The following CNTN4 variants were observed in gnomAD, a reference collection of about 807,000 sequenced individuals.
CNTN4 encodes the protein contactin-4.
In CNTN4, 77 loss-of-function variants were observed where a neutral mutation model predicts 122.5. That is an observed-to-expected ratio of 0.63 (90% CI 0.52 to 0.76). The LOEUF is 0.76. CNTN4 is among the 30% of genes least tolerant of loss of function. The probability of loss-of-function intolerance (pLI) is 0.00; values close to 1 mark genes in which losing one functional copy is unlikely to be tolerated. For missense variants in CNTN4, 1,256 were observed against 1,259.1 expected (o/e 1.00, Z 0.04); for synonymous variants, 512 against 447.0 (o/e 1.15, Z -1.83).
intron 3 of CNTN4, among the ~76,000 whole-genome samples, chr3:2,345,269 C>G (rs113321349): frequency 6.6e-6 from 1 of 151,976 alleles, no homozygotes; most frequent in Non-Finnish European, 1.5e-5. Context: ...TTTTTTTACC[C>G]TTTCAGACAC....
intron 2 of CNTN4, among the ~76,000 whole-genome samples, chr3:2,298,855 T>C (rs1434042145): frequency 6.6e-6 from 1 of 152,208 alleles, no homozygotes; most frequent in Non-Finnish European, 1.5e-5. Context: ...AGGAGTAAAT[T>C]AATGCATATA....
chr3:2,207,179 GTC>G (rs1359675606), intron 2 of CNTN4, among the ~76,000 whole-genome samples: 1 of 151,946 alleles, frequency 6.6e-6, no homozygotes, highest in African/African-American at 2.4e-5. Flanking sequence ...GCCGTTCCTA[GTC>G]TCTCTGTCTC....
chr3:2,860,151 A>G (rs1371133262), intron 7 of CNTN4, among the ~76,000 whole-genome samples: 1 of 152,238 alleles, frequency 6.6e-6, no homozygotes, highest in Admixed American at 6.5e-5. Flanking sequence ...ACTAGGCCTT[A>G]TCTAATCCTT....
chr3:2,965,192 C>T (rs1692178418), intron 13 of CNTN4, among the ~76,000 whole-genome samples: 1 of 152,192 alleles, frequency 6.6e-6, no homozygotes, highest in African/African-American at 2.4e-5. Context: ...AACTTCCTCC[C>T]ACATTCTTTG....
chr3:2,406,618 T>A (rs2047047399), intron 3 of CNTN4, among the ~76,000 whole-genome samples: 1 of 149,978 alleles, frequency 6.7e-6, no homozygotes, highest in Non-Finnish European at 1.5e-5. Context: ...TATAAAGTAA[T>A]TTTTTTTAAG....
chr3:2,693,600 TGGA>T (rs2085858274), intron 4 of CNTN4, among the ~76,000 whole-genome samples: 1 of 152,144 alleles, frequency 6.6e-6, no homozygotes. Context: ...GAAAGGGTTT[TGGA>T]GGAGAAGTCA....
At position 2,849,109 on chromosome 3, in the gene CNTN4, G is replaced by A. The variant is rs575357164; in HGVS notation, c.455-17643G>A. ...TCTAGATGTGAGAGGTGTATACCAT[G>A]TACAACAAGATCCACTGTCCTGGAA... On this transcript the variant is annotated intron_variant, in intron 7 of 24. Coordinates refer to ENST00000418658, the MANE Select transcript of CNTN4 (RefSeq NM_175607.3). 3.3e-5 allele frequency among the ~76,000 whole-genome samples: 5 copies of A among 152,316 alleles called. No homozygotes were observed. The South Asian group carries it at 1.0e-3, about 32-fold the overall frequency.
intron 3 of CNTN4, among the ~76,000 whole-genome samples, chr3:2,476,688 G>C (rs1244919574): frequency 6.6e-6 from 1 of 152,078 alleles, no homozygotes; most frequent in African/African-American, 2.4e-5. Flanking sequence ...GGGTCCTGAG[G>C]GATCTCCTTG....
chr3:2,493,023 A>G (rs377423701), intron 3 of CNTN4, among the ~76,000 whole-genome samples: 24 of 152,180 alleles, frequency 1.6e-4, no homozygotes, highest in East Asian at 5.8e-4. Context: ...ACTTGCATAA[A>G]TGGTAGTTCT....
chr3:2,900,952 A>C, intron 11 of CNTN4, 131 bp downstream of exon 11: 1 of 1,185,056 alleles, frequency 8.4e-7, no homozygotes, highest in Non-Finnish European at 1.2e-6. Flanking sequence ...ATGGTGGAAA[A>C]AGTGAGAGTG....
chr3:2,343,571 C>G (rs565590561), intron 3 of CNTN4, among the ~76,000 whole-genome samples: 1 of 152,294 alleles, frequency 6.6e-6, no homozygotes, highest in Non-Finnish European at 1.5e-5. Flanking sequence ...CCAGAAAATT[C>G]TGTAACCAGT....
rs149336449 is a variant in CNTN4 at position 3,046,387 on chromosome 3, G to T, written c.2811+2683G>T. ...TAAGGGCAGCCAGAGAGAAAGGTCAGGTTACCCACAAAGGGAAGCCCATCA... is the reference window on the plus strand; with the variant it reads ...TAAGGGCAGCCAGAGAGAAAGGTCATGTTACCCACAAAGGGAAGCCCATCA... On this transcript the variant is annotated intron_variant, in intron 23 of 24. Transcript: ENST00000418658. 6.2e-3 allele frequency among the ~76,000 whole-genome samples: 939 copies of T among 152,286 alleles called. 8 individuals carry two copies. Among genetic ancestry groups the T allele is most frequent in the African/African-American group, 0.021 (891 of 41,556 alleles).
intron 2 of CNTN4, among the ~76,000 whole-genome samples, chr3:2,129,359 G>A (rs531132351): frequency 2.0e-5 from 3 of 150,000 alleles, no homozygotes; most frequent in African/African-American, 7.3e-5. Flanking sequence ...ATAACTGTTG[G>A]CTTCCGTAGT....
intron 4 of CNTN4, among the ~76,000 whole-genome samples, chr3:2,706,793 G>T (rs542305931): frequency 6.6e-6 from 1 of 152,184 alleles, no homozygotes; most frequent in African/African-American, 2.4e-5. Context: ...AGATTCCAGA[G>T]CCAACCTACC....
At chr3:2,980,445 T>C (rs943317718) in intron 13 of CNTN4, among the ~76,000 whole-genome samples, 2 of 151,536 alleles carry the variant, frequency 1.3e-5, no homozygotes, top group Non-Finnish European at 2.9e-5. Flanking sequence ...TATTCATAAG[T>C]ATTAGGAGGA....
intron 3 of CNTN4, among the ~76,000 whole-genome samples, chr3:2,539,038 A>G (rs1168778412): frequency 6.6e-6 from 1 of 152,028 alleles, no homozygotes; most frequent in Non-Finnish European, 1.5e-5. Context: ...TTTTAGCTTT[A>G]AGCTATTGGA....
At chr3:2,388,105 T>C (rs945199525) in intron 3 of CNTN4, among the ~76,000 whole-genome samples, 4 of 152,188 alleles carry the variant, frequency 2.6e-5, no homozygotes, top group Admixed American at 2.6e-4. Context: ...AAATTTATGT[T>C]TTGGCAGCAA....
intron 2 of CNTN4, among the ~76,000 whole-genome samples, chr3:2,247,542 ATGT>A (rs2040202777): frequency 6.6e-6 from 1 of 151,992 alleles, no homozygotes; most frequent in Non-Finnish European, 1.5e-5. Flanking sequence ...ACTTTGGCTG[ATGT>A]TGTAGTTCTA....
At chr3:3,017,437 A>C (rs1456683831) in intron 14 of CNTN4, among the ~76,000 whole-genome samples, 1 of 152,264 alleles carries the variant, frequency 6.6e-6, no homozygotes, top group Non-Finnish European at 1.5e-5. Context: ...TATGTGAGTG[A>C]TGATAACCTG....
Sources: gnomAD v4.1 joint callset for allele counts (sites outside exome capture counted in the v4.1 genomes callset) on GRCh38, gnomAD v4.1.1 for gene constraint, MANE v1.5 for transcripts, NCBI Gene and HGNC (gene_info 2026-07-23, HGNC 2026-07-21) for gene names.